Variants in GLOD4 observed in about 807,000 individuals in gnomAD.
GLOD4 encodes the protein glyoxalase domain-containing protein 4.
Under a neutral mutation model 39.1 loss-of-function variants are expected in GLOD4, and 44 were observed. The observed-to-expected ratio is 1.13, with a 90% CI of 0.88 to 1.45. The LOEUF is 1.45. Among genes scored for constraint, GLOD4 ranks in the 40% most tolerant of loss-of-function variants. GLOD4 has a pLI of 0.00. For missense variants in GLOD4, 405 were observed against 366.4 expected, an observed-to-expected ratio of 1.11 and a Z score of -0.86; for synonymous variants, 145 against 135.0, an observed-to-expected ratio of 1.07 and a Z score of -0.52.
Position 770,062 on chromosome 17 carries a change from C to T in GLOD4, c.726G>A (p.Val242=). 6.2e-7 allele frequency: 1 copy of T among 1,608,690 alleles called. No homozygotes were observed. The highest frequency in any genetic ancestry group is 8.5e-7 in the Non-Finnish European group (1 of 1,175,098). Residue 242 remains valine (V), a synonymous_variant, in exon 7 of 9, where the codon GTG becomes GTA. Coordinates refer to ENST00000301329, the MANE Select transcript of GLOD4 (RefSeq NM_016080.4). The part of the protein sequence containing the change: ...LDTPGKATVQ[V]VILADPDGHE... Reference sequence around the variant, plus strand: ...TACTTACAGGGTCGGCCAGAATGACCACCTGTACTGTTGCTTTCCCTGGGG... The same window carrying T: ...TACTTACAGGGTCGGCCAGAATGACTACCTGTACTGTTGCTTTCCCTGGGG...
intron 8 of GLOD4, 49 bp downstream of exon 8, chr17:769,820 G>T: frequency 9.4e-7 from 1 of 1,062,546 alleles, no homozygotes; most frequent in Non-Finnish European, 1.5e-6. Flanking sequence ...CACACTTAAT[G>T]CCATCCCTCT....
Position 770,171 on chromosome 17 carries a change from G to A in GLOD4, c.631-14C>T, listed in dbSNP as rs755355039. On this transcript the variant is annotated splice_polypyrimidine_tract_variant and intron_variant, in intron 6 of 8. Transcript: ENST00000301329. ...TAAGTCTGGCAACTTGAGGAAAACAGAGGCAACGTGAGCCAGGGGTCACAC... is the reference window on the plus strand; with the variant it reads ...TAAGTCTGGCAACTTGAGGAAAACAAAGGCAACGTGAGCCAGGGGTCACAC... The A allele has an allele frequency of 9.9e-6, 14 of 1,415,710 alleles. No homozygotes were observed. The highest frequency in any genetic ancestry group is 1.3e-5 in the Non-Finnish European group (13 of 1,000,800). The allele number at this position is 1,415,710 out of a possible 1,614,324, so 87.7% of individuals were successfully genotyped here. A position where few individuals can be genotyped will look rare whatever the true frequency, so the allele number is the denominator to read the frequency against.
At chr17:783,770 A>G (rs1434555323), upstream of GLOD4, among the ~76,000 whole-genome samples, 2 of 152,170 alleles carry the variant, frequency 1.3e-5, no homozygotes, top group Non-Finnish European at 2.9e-5. Context: ...ATCTTAGAGT[A>G]TTTTCAATGG....
At chr17:770,794 C>T (rs1907827809) in intron 5 of GLOD4, 1 of 287,992 alleles carries the variant, frequency 3.5e-6, no homozygotes, top group Non-Finnish European at 6.5e-6. Context: ...AGATTTGCCT[C>T]AATCTTTTTG....
At chr17:772,187 G>GAAAAAAAAAAAAAAAAAA (rs58914913) in intron 4 of GLOD4, among the ~76,000 whole-genome samples, 7 of 50,848 alleles carry the variant, frequency 1.4e-4, no homozygotes, top group Admixed American at 3.3e-4. Flanking sequence ...ACCCTATCTC[G>GAAAAAAAAAAAAAAAAAA]AAAAAAAAAA....
intron 8 of GLOD4, among the ~76,000 whole-genome samples, chr17:768,511 AGC>A (rs1322326044): frequency 1.4e-5 from 2 of 145,132 alleles, no homozygotes; most frequent in African/African-American, 2.6e-5. Flanking sequence ...AGAGAGAAAC[AGC>A]GCGCACTCAG....
chr17:767,461 C>T (rs976482941), intron 8 of GLOD4, among the ~76,000 whole-genome samples: 10 of 151,914 alleles, frequency 6.6e-5, no homozygotes, highest in Admixed American at 2.6e-4. Context: ...AAACAGTGCA[C>T]ACTCAGATTT....
chr17:759,850 G>T lies in GLOD4; in HGVS notation c.*323C>A. 1 of 282,398 alleles carries T rather than the reference G, an allele frequency of 3.5e-6. No homozygotes were observed. Among genetic ancestry groups the T allele is most frequent in the Non-Finnish European group, 6.7e-6 (1 of 150,220 alleles). The allele number at this position is 282,398 out of a possible 1,614,324, so 17.5% of individuals were successfully genotyped here. A position where few individuals can be genotyped will look rare whatever the true frequency, so the allele number is the denominator to read the frequency against. On this transcript the variant is annotated 3_prime_UTR_variant, in exon 9 of 9. Coordinates refer to ENST00000301329, the MANE Select transcript of GLOD4 (RefSeq NM_016080.4). ...GATTCAGAGGTAACCCTAACTATCCGCAATCCCAACCAAAGTCATGTTCAT... is the reference window on the plus strand; with the variant it reads ...GATTCAGAGGTAACCCTAACTATCCTCAATCCCAACCAAAGTCATGTTCAT...
chr17:767,210 A>G (rs566924619), intron 8 of GLOD4, among the ~76,000 whole-genome samples: 1 of 152,368 alleles, frequency 6.6e-6, no homozygotes, highest in South Asian at 2.1e-4. Context: ...GTTACGTGAC[A>G]GAACCAAGAA....
chr17:781,732 T>G lies in GLOD4; in HGVS notation c.90+434A>C, dbSNP rs545256760. The G allele has an allele frequency of 8.0e-5, 13 of 162,612 alleles. No homozygotes were observed. The South Asian group carries it at 1.8e-3, about 23-fold the overall frequency. 10.1% of individuals were successfully genotyped at this position (162,612 alleles called of 1,614,324 possible). On this transcript the variant is annotated intron_variant, in intron 1 of 8. Coordinates refer to ENST00000301329, the MANE Select transcript of GLOD4 (RefSeq NM_016080.4). ...GGAGCATATATTCAGAGACTGAGTA[T>G]CCGAAACGGACTATTCAGACCAGCC...
intron 4 of GLOD4, among the ~76,000 whole-genome samples, chr17:772,777 T>C (rs900320881): frequency 2.0e-5 from 3 of 152,122 alleles, no homozygotes; most frequent in Non-Finnish European, 2.9e-5. Context: ...GGCAGGATCA[T>C]GAGGTCAGGA....
At chr17:778,004 C>A (rs1380599168) in intron 2 of GLOD4, among the ~76,000 whole-genome samples, 1 of 152,144 alleles carries the variant, frequency 6.6e-6, no homozygotes, top group Non-Finnish European at 1.5e-5. Flanking sequence ...GACTCATGAG[C>A]TTCTGGGATG....
Position 759,823 on chromosome 17 carries a change from A to C in GLOD4, c.*350T>G, listed in dbSNP as rs1905165305. The C allele has an allele frequency of 4.5e-6, 1 of 221,114 alleles. No homozygotes were observed. The highest frequency in any genetic ancestry group is 2.3e-5 in the African/African-American group (1 of 43,852). 13.7% of individuals were successfully genotyped at this position (221,114 alleles called of 1,614,324 possible). On this transcript the variant is annotated 3_prime_UTR_variant, in exon 9 of 9. Transcript: ENST00000301329. ...GCACAGCTGCTCTCATAAAAGCTAC[A>C]CGATTCAGAGGTAACCCTAACTATC... is the stretch of plus-strand genomic sequence containing the variant.
chr17:761,574 G>A (rs1200969307), intron 8 of GLOD4, among the ~76,000 whole-genome samples: 2 of 152,206 alleles, frequency 1.3e-5, no homozygotes, highest in Middle Eastern at 6.8e-3. Context: ...GCGCCATCTC[G>A]GCTCACTGCA....
At position 775,884 on chromosome 17, in the gene GLOD4, G is replaced by A. The variant is rs149237575; in HGVS notation, c.297C>T (p.Asn99=). The change falls in exon 4 of 9, where the codon AAC becomes AAT. Residue 99 remains asparagine (N), a synonymous_variant. Coordinates refer to ENST00000301329, the MANE Select transcript of GLOD4 (RefSeq NM_016080.4). The part of the protein sequence containing the change: ...ITLASSQAVS[N]ARKLEWPLTE... ...TCAGTGGCCACTCCAGCTTCCTGGCGTTGCTGACAGCCTGGCTAGAAGCGA... is the reference window on the plus strand; with the variant it reads ...TCAGTGGCCACTCCAGCTTCCTGGCATTGCTGACAGCCTGGCTAGAAGCGA... 1,176 of 1,613,438 alleles carry A rather than the reference G, an allele frequency of 7.3e-4. 1 individual carries two copies. The highest frequency in any genetic ancestry group is 8.6e-4 in the Non-Finnish European group (1,018 of 1,179,342).
chr17:760,573 G>C (rs1384713648), intron 8 of GLOD4, among the ~76,000 whole-genome samples: 1 of 152,214 alleles, frequency 6.6e-6, no homozygotes, highest in Non-Finnish European at 1.5e-5. Flanking sequence ...CGCATGCCAG[G>C]CGGTAGGATC....
intron 4 of GLOD4, among the ~76,000 whole-genome samples, chr17:772,824 T>C (rs1170027042): frequency 6.6e-6 from 1 of 151,950 alleles, no homozygotes; most frequent in Non-Finnish European, 1.5e-5. Context: ...TGAAACCCCG[T>C]CTCTACTAAA....
Position 775,914 on chromosome 17 carries a change from G to T in GLOD4, c.267C>A (p.Ile89=). ...TGACAGCCTGGCTAGAAGCGAGCGTGATTCCCTACAACAAACAACAGTACA... is the reference window on the plus strand; with the variant it reads ...TGACAGCCTGGCTAGAAGCGAGCGTTATTCCCTACAACAAACAACAGTACA... The part of the protein sequence containing the change: ...DYKLGNDFMG[I]TLASSQAVSN... The change falls in exon 4 of 9, where the codon ATC becomes ATA. Residue 89 remains isoleucine, a synonymous_variant. Transcript: ENST00000301329. The T allele has an allele frequency of 6.2e-7, 1 of 1,612,764 alleles. No homozygotes were observed. Among genetic ancestry groups the T allele is most frequent in the Non-Finnish European group, 8.5e-7 (1 of 1,178,766 alleles).
At chr17:780,328 C>T (rs568746209) in intron 1 of GLOD4, among the ~76,000 whole-genome samples, 16 of 152,326 alleles carry the variant, frequency 1.1e-4, no homozygotes, top group Admixed American at 3.3e-4. Context: ...AATCCAAATT[C>T]TTTAGCATAG....
Sources: allele counts gnomAD v4.1 joint callset (sites outside exome capture counted in the v4.1 genomes callset), GRCh38; gene constraint gnomAD v4.1.1; transcripts MANE v1.5; gene names NCBI Gene and HGNC (gene_info 2026-07-23, HGNC 2026-07-21).